ANKRD6: variants seen among roughly 807,000 people sequenced by gnomAD.
ANKRD6 encodes ankyrin repeat domain 6.
Under a neutral mutation model 82.3 loss-of-function variants are expected in ANKRD6, and 56 were observed. The observed-to-expected ratio is 0.68, with a 90% CI of 0.55 to 0.85. The LOEUF (loss-of-function observed/expected upper bound fraction) is 0.85. Ranked by LOEUF, ANKRD6 falls within the 40% of genes least tolerant of loss-of-function variation. The pLI, the probability that ANKRD6 is intolerant of heterozygous loss-of-function variation, is 0.00. For missense variants in ANKRD6, 852 were observed against 907.6 expected, an observed-to-expected ratio of 0.94 and a Z score of 0.79; for synonymous variants, 347 against 352.1, an observed-to-expected ratio of 0.99 and a Z score of 0.16.
At chr6:89,460,748 G>C (rs1774027542) in intron 1 of ANKRD6, among the ~76,000 whole-genome samples, 1 of 151,730 alleles carries the variant, frequency 6.6e-6, no homozygotes, top group African/African-American at 2.4e-5. Flanking sequence ...TTTTTTTAAT[G>C]AGGTTATTTT....
In ANKRD6 at chr6:89,509,910, T is replaced by G. The variant is rs552567865; in HGVS notation, c.-143-56924T>G. On this transcript the variant is annotated intron_variant, in intron 1 of 15. Transcript: ENST00000339746. ...TCCATGTTCTTAACCACACTATACC[T>G]TAATCGCCAGTGCAAACATTAGCGC... Among the ~76,000 whole-genome samples, 12 of 152,352 alleles carry G rather than the reference T, an allele frequency of 7.9e-5. No individual in the cohort carries two copies. In the East Asian group the frequency reaches 2.1e-3, roughly 27 times the overall value.
Position 89,618,019 on chromosome 6 carries a change from TA to T in ANKRD6, c.783del (p.Ala262LeufsTer13), listed in dbSNP as rs1476111029. On this transcript the variant is annotated frameshift_variant, in exon 9 of 16. Coordinates refer to ENST00000339746, the MANE Select transcript of ANKRD6 (RefSeq NM_001242809.2). LOFTEE classifies it high-confidence loss of function. ...NNPEVALLLTKAPQVLRFSRG... is the reference protein window; with the variant it reads ...NNPEVALLLTXAPQVLRFSRG... ...ACCCGGAAGTTGCTCTTCTCCTTAC[TA>T]AAGCTCCCCAGGTAGGATTTACTGC... 6.2e-7 allele frequency: 1 copy of T among 1,614,046 alleles called. No individual in the cohort carries two copies. Among genetic ancestry groups the T allele is most frequent in the Non-Finnish European group, 8.5e-7 (1 of 1,179,894 alleles).
Position 89,623,750 on chromosome 6 carries a change from A to G in ANKRD6, c.1033-122A>G, listed in dbSNP as rs1804525843. 3 of 1,263,836 alleles carry G rather than the reference A, an allele frequency of 2.4e-6. No individual in the cohort carries two copies. The East Asian group carries it at 7.5e-5, about 32-fold the overall frequency. 78.3% of individuals were successfully genotyped at this position (1,263,836 alleles called of 1,614,324 possible). A position where few individuals can be genotyped will look rare whatever the true frequency, so the allele number is the denominator to read the frequency against. On this transcript the variant is annotated intron_variant, in intron 11 of 15. Coordinates refer to ENST00000339746, the MANE Select transcript of ANKRD6 (RefSeq NM_001242809.2). ...TTTGACATGTGTGGCTTGGAGTAGG[A>G]CACCATGAGGTGAAACAAAGTGGGG...
chr6:89,567,147 C>G (rs1788705430), intron 2 of ANKRD6, 51 bp downstream of exon 2: 11 of 1,545,202 alleles, frequency 7.1e-6, no homozygotes, highest in Non-Finnish European at 9.6e-6. Flanking sequence ...TGGCCTACCT[C>G]TTAACCATTG....
intron 1 of ANKRD6, among the ~76,000 whole-genome samples, chr6:89,546,913 A>G (rs1036623943): frequency 2.4e-4 from 37 of 152,198 alleles, no homozygotes; most frequent in African/African-American, 8.7e-4. Context: ...TGGCACTTAC[A>G]GGATACCTGT....
chr6:89,575,202 T>TTTAC (rs1790834299), intron 2 of ANKRD6, among the ~76,000 whole-genome samples: 2 of 152,178 alleles, frequency 1.3e-5, no homozygotes. Flanking sequence ...ATGGCTTGCT[T>TTTAC]TTACGCAGAA....
At position 89,474,282 on chromosome 6, in the gene ANKRD6, A is replaced by T. The variant is rs566834742; in HGVS notation, c.-144+40907A>T. On this transcript the variant is annotated intron_variant, in intron 1 of 15. Coordinates refer to ENST00000339746, the MANE Select transcript of ANKRD6 (RefSeq NM_001242809.2). ...AAGAGAGCTGTGTGTGATGCTACAC[A>T]GCTCACCCAACTTCTTTTATCTTTT... is the stretch of plus-strand genomic sequence containing the variant. Among the ~76,000 whole-genome samples the T allele has an allele frequency of 5.9e-5, 9 of 152,340 alleles. No individual in the cohort carries two copies. In the South Asian group the frequency reaches 1.9e-3, roughly 32 times the overall value.
At chr6:89,520,214 G>A (rs1781729154) in intron 1 of ANKRD6, among the ~76,000 whole-genome samples, 1 of 152,060 alleles carries the variant, frequency 6.6e-6, no homozygotes, top group African/African-American at 2.4e-5. Context: ...TGAACTCCTG[G>A]GCTCAAGTCA....
chr6:89,588,364 G>A (rs754791489), intron 2 of ANKRD6, among the ~76,000 whole-genome samples: 1 of 151,980 alleles, frequency 6.6e-6, no homozygotes, highest in Non-Finnish European at 1.5e-5. Flanking sequence ...CTCTTAATGC[G>A]ACAGATAATA....
At position 89,436,239 on chromosome 6, in the gene ANKRD6, G is replaced by A. The variant is rs187555143; in HGVS notation, c.-144+2864G>A. Among the ~76,000 whole-genome samples the A allele has an allele frequency of 5.3e-5, 8 of 152,294 alleles. No homozygotes were observed. The East Asian group carries it at 7.7e-4, about 15-fold the overall frequency. ...ATACTACTTTTCAAACCTTGGGATC[G>A]TGTTGGACACTGCCACTCTCATTTC... On this transcript the variant is annotated intron_variant, in intron 1 of 15. Transcript: ENST00000339746.
intron 1 of ANKRD6, among the ~76,000 whole-genome samples, chr6:89,536,541 C>A (rs1404010991): frequency 1.3e-5 from 2 of 152,154 alleles, no homozygotes; most frequent in Admixed American, 1.3e-4. Context: ...CCTCTGTGGC[C>A]CTGTGTATGT....
chr6:89,564,308 T>C (rs4995623), intron 1 of ANKRD6, among the ~76,000 whole-genome samples: 4 of 152,146 alleles, frequency 2.6e-5, no homozygotes, highest in African/African-American at 9.7e-5. Flanking sequence ...CTTAAGTAGC[T>C]GTAACTGAAA....
intron 1 of ANKRD6, among the ~76,000 whole-genome samples, chr6:89,450,816 A>C (rs74387182): frequency 0.016 from 2,454 of 152,152 alleles, 70 homozygotes; most frequent in African/African-American, 0.056. Context: ...AAGTATTTTT[A>C]AATAAGGTAT....
intron 1 of ANKRD6, among the ~76,000 whole-genome samples, chr6:89,490,637 A>C (rs1777907259): frequency 6.6e-6 from 1 of 152,208 alleles, no homozygotes; most frequent in African/African-American, 2.4e-5. Context: ...TCCTTACCTA[A>C]TGAGCACCTG....
At chr6:89,575,130 G>C (rs1790810511) in intron 2 of ANKRD6, among the ~76,000 whole-genome samples, 1 of 152,166 alleles carries the variant, frequency 6.6e-6, no homozygotes, top group Non-Finnish European at 1.5e-5. Context: ...TAGGTATGAG[G>C]CAGGACCCTC....
intron 3 of ANKRD6, chr6:89,602,271 A>G (rs776083521): frequency 1.4e-4 from 22 of 152,212 alleles, no homozygotes; most frequent in Non-Finnish European, 2.1e-4. Context: ...CTCCTGTTAC[A>G]GTCTTGACCT....
chr6:89,623,656 TTGG>T, intron 11 of ANKRD6, 112 bp downstream of exon 11: 1 of 1,445,406 alleles, frequency 6.9e-7, no homozygotes, highest in Non-Finnish European at 9.2e-7. Context: ...GCTGGCTGGT[TTGG>T]AGCCAGAGCA....
intron 1 of ANKRD6, among the ~76,000 whole-genome samples, chr6:89,455,152 T>G (rs1773349768): frequency 1.4e-5 from 2 of 139,710 alleles, no homozygotes; most frequent in African/African-American, 2.7e-5. Flanking sequence ...TGTGTGTGTG[T>G]TTTTTTTTTT....
At position 89,613,901 on chromosome 6, in the gene ANKRD6, G is replaced by A. The variant is rs375522002; in HGVS notation, c.615+11G>A. ...CATGAAAAGAACCAGGTCAGTGCATGTATTCTCTTCATGGCTGCCAGCACC... is the reference window on the plus strand; with the variant it reads ...CATGAAAAGAACCAGGTCAGTGCATATATTCTCTTCATGGCTGCCAGCACC... On this transcript the variant is annotated intron_variant, in intron 7 of 15. Coordinates refer to ENST00000339746, the MANE Select transcript of ANKRD6 (RefSeq NM_001242809.2). 3 of 1,613,156 alleles carry A rather than the reference G, an allele frequency of 1.9e-6. No homozygotes were observed. The African/African-American group carries it at 4.0e-5, about 22-fold the overall frequency.
Sources: gnomAD v4.1 joint callset for allele counts (sites outside exome capture counted in the v4.1 genomes callset) on GRCh38, gnomAD v4.1.1 for gene constraint, MANE v1.5 for transcripts, NCBI Gene and HGNC (gene_info 2026-07-23, HGNC 2026-07-21) for gene names.